Variants in OSBPL1A observed in about 807,000 individuals in gnomAD.
The protein encoded by OSBPL1A is oxysterol binding protein like 1A.
In OSBPL1A, 80 loss-of-function variants were observed where a neutral mutation model predicts 137.1. The observed-to-expected ratio is 0.58, with a 90% confidence interval of 0.49 to 0.70. The LOEUF (loss-of-function observed/expected upper bound fraction) is 0.70. Ranked by LOEUF, OSBPL1A falls within the 30% of genes least tolerant of loss-of-function variation. OSBPL1A has a pLI of 0.00. For synonymous variants in OSBPL1A, 365 were observed against 389.7 expected (o/e 0.94, Z 0.75); for missense variants, 970 against 1,129.4 (o/e 0.86, Z 2.02).
intron 17 of OSBPL1A, among the ~76,000 whole-genome samples, chr18:24,196,871 T>C (rs1392458570): frequency 6.6e-6 from 1 of 152,150 alleles, no homozygotes; most frequent in Non-Finnish European, 1.5e-5. Flanking sequence ...TGTTCGAAAG[T>C]AGCCAAGGGA....
Position 24,303,673 on chromosome 18 carries a change from A to C in OSBPL1A, c.1138T>G (p.Phe380Val). ...QQRLDREISN[F>V]LKMIKECDMA... is the part of the protein sequence containing the mutation. The stretch of plus-strand genomic sequence containing the variant: ...TCACACTCCTTAATCATTTTGAGAA[A>C]GTTGGAAATTTCCCTATCTAGTCGC... The change falls in exon 14 of 28, where the codon TTT becomes GTT. Residue 380 changes from phenylalanine (F) to valine (V), a missense_variant. By Grantham distance (50) the Phe-to-Val change is conservative. Coordinates refer to ENST00000319481, the MANE Select transcript of OSBPL1A (RefSeq NM_080597.4). 1 of 1,613,678 alleles carries C rather than the reference A, an allele frequency of 6.2e-7. No individual in the cohort carries two copies. Among genetic ancestry groups the C allele is most frequent in the Non-Finnish European group, 8.5e-7 (1 of 1,179,772 alleles).
At chr18:24,194,308 G>GT (rs1480381321) in intron 18 of OSBPL1A, among the ~76,000 whole-genome samples, 2 of 152,124 alleles carry the variant, frequency 1.3e-5, no homozygotes, top group African/African-American at 4.8e-5. Context: ...TAAAATAAAT[G>GT]TAACGAGCTG....
At chr18:24,308,916 G>A (rs1438981669) in intron 13 of OSBPL1A, among the ~76,000 whole-genome samples, 1 of 151,900 alleles carries the variant, frequency 6.6e-6, no homozygotes, top group Admixed American at 6.6e-5. Flanking sequence ...GACTACAGGC[G>A]CCCGCCACCA....
chr18:24,247,127 C>T (rs2088920534), intron 15 of OSBPL1A, among the ~76,000 whole-genome samples: 1 of 152,036 alleles, frequency 6.6e-6, no homozygotes, highest in South Asian at 2.1e-4. Flanking sequence ...TGAAGGAAGC[C>T]ATGGACTGAA....
At position 24,362,072 on chromosome 18, in the gene OSBPL1A, T is replaced by C. The variant is rs565020332; in HGVS notation, c.282+4820A>G. ...AGGTAGAAGACGAATGAAAGTGCTGTACTGTGCCCAGGAATCCTGGAAGAG... is the reference window on the plus strand; with the variant it reads ...AGGTAGAAGACGAATGAAAGTGCTGCACTGTGCCCAGGAATCCTGGAAGAG... On this transcript the variant is annotated intron_variant, in intron 4 of 27. Coordinates refer to ENST00000319481, the MANE Select transcript of OSBPL1A (RefSeq NM_080597.4). Among the ~76,000 whole-genome samples, 43 of 151,798 alleles carry C rather than the reference T, an allele frequency of 2.8e-4. No homozygotes were observed. In the South Asian group the frequency reaches 8.3e-3, roughly 29 times the overall value.
chr18:24,235,500 G>C (rs1160599120), intron 16 of OSBPL1A, among the ~76,000 whole-genome samples: 2 of 152,132 alleles, frequency 1.3e-5, no homozygotes, highest in Non-Finnish European at 2.9e-5. Flanking sequence ...GTAAAACACA[G>C]ATGAATTCAA....
At chr18:24,213,483 G>A (rs777595531) in intron 17 of OSBPL1A, among the ~76,000 whole-genome samples, 3 of 152,028 alleles carry the variant, frequency 2.0e-5, no homozygotes, top group Non-Finnish European at 4.4e-5. Flanking sequence ...AAGTTCTACT[G>A]CTTGAACCCA....
chr18:24,390,815 T>TAAAA (rs1907298294), intron 1 of OSBPL1A, among the ~76,000 whole-genome samples: 2 of 151,876 alleles, frequency 1.3e-5, no homozygotes, highest in Non-Finnish European at 2.9e-5. Flanking sequence ...CAGGTAACTT[T>TAAAA]TTGGCCAGGT....
At chr18:24,186,730 C>A (rs919402404) in intron 18 of OSBPL1A, among the ~76,000 whole-genome samples, 4 of 151,766 alleles carry the variant, frequency 2.6e-5, no homozygotes, top group Non-Finnish European at 5.9e-5. Flanking sequence ...ATGGTGAAAC[C>A]CTGTCTCTAC....
chr18:24,315,758 A>T (rs1379299786), intron 11 of OSBPL1A, among the ~76,000 whole-genome samples: 1 of 121,422 alleles, frequency 8.2e-6, no homozygotes, highest in East Asian at 2.1e-4. Flanking sequence ...AATATAATAT[A>T]TAGTATATAT....
chr18:24,239,191 C>T (rs2088598762), intron 16 of OSBPL1A, 29 bp downstream of exon 16: 1 of 1,606,868 alleles, frequency 6.2e-7, no homozygotes, highest in Admixed American at 1.7e-5. Context: ...AAATCACCAA[C>T]AATGCAGAGG....
intron 14 of OSBPL1A, among the ~76,000 whole-genome samples, chr18:24,288,059 G>A (rs1352494829): frequency 6.6e-6 from 1 of 152,212 alleles, no homozygotes; most frequent in African/African-American, 2.4e-5. Flanking sequence ...GAGAGAAATG[G>A]AAACAGGAAG....
intron 15 of OSBPL1A, among the ~76,000 whole-genome samples, chr18:24,272,911 A>G (rs1305832331): frequency 6.6e-6 from 1 of 151,774 alleles, no homozygotes; most frequent in Non-Finnish European, 1.5e-5. Flanking sequence ...TAATTAATTA[A>G]TTTATTTATT....
chr18:24,395,654 CTT>C (rs1387518859), intron 1 of OSBPL1A, among the ~76,000 whole-genome samples: 10 of 150,926 alleles, frequency 6.6e-5, no homozygotes, highest in African/African-American at 2.2e-4. Context: ...GAGTTTCGCT[CTT>C]GTCGCCCAGG....
chr18:24,383,813 C>A (rs1906772539), intron 1 of OSBPL1A, among the ~76,000 whole-genome samples: 1 of 152,160 alleles, frequency 6.6e-6, no homozygotes, highest in African/African-American at 2.4e-5. Context: ...AATATATAAA[C>A]CATAATAGTT....
rs555557318 is a variant in OSBPL1A, at chr18:24,212,135, T to C, written c.1601+12907A>G. ...CAGGCTGGAGTACAGTGGTGTGATC[T>C]TGGCTCACTGCAACCTCTGCCTCCC... On this transcript the variant is annotated intron_variant, in intron 17 of 27. Coordinates refer to ENST00000319481, the MANE Select transcript of OSBPL1A (RefSeq NM_080597.4). Among the ~76,000 whole-genome samples the C allele has an allele frequency of 2.6e-5, 4 of 152,168 alleles. No homozygotes were observed. In the East Asian group the frequency reaches 7.7e-4, roughly 29 times the overall value.
chr18:24,372,305 AAG>A (rs1905715994), intron 2 of OSBPL1A, among the ~76,000 whole-genome samples: 1 of 152,020 alleles, frequency 6.6e-6, no homozygotes. Flanking sequence ...AAAAGAAAAA[AAG>A]AGGTATTTCA....
chr18:24,237,371 T>TA (rs1489083370), intron 16 of OSBPL1A, among the ~76,000 whole-genome samples: 1 of 152,142 alleles, frequency 6.6e-6, no homozygotes, highest in Non-Finnish European at 1.5e-5. Flanking sequence ...ATGGCACCAT[T>TA]ACAGCTCACT....
intron 7 of OSBPL1A, among the ~76,000 whole-genome samples, chr18:24,322,342 C>G (rs113687432): frequency 6.6e-6 from 1 of 150,406 alleles, no homozygotes; most frequent in Non-Finnish European, 1.5e-5. Context: ...AGGATGGTCT[C>G]GATCTCCTGA....
Sources: allele counts gnomAD v4.1 joint callset (sites outside exome capture counted in the v4.1 genomes callset), GRCh38; gene constraint gnomAD v4.1.1; transcripts MANE v1.5; gene names NCBI Gene and HGNC (gene_info 2026-07-23, HGNC 2026-07-21).